Variants in CIC observed in about 807,000 individuals in gnomAD.
CIC encodes the protein protein capicua homolog.
Under a neutral mutation model 115.7 loss-of-function variants are expected in CIC, and 18 were observed. The ratio of observed to expected loss-of-function variants is 0.16; its 90% CI spans 0.11 to 0.23. CIC has a LOEUF of 0.23. Among genes scored for constraint, CIC ranks in the 10% least tolerant of loss-of-function variants. The pLI is 1.00. For synonymous variants in CIC, 1,076 were observed against 923.0 expected (o/e 1.17, Z -3.01); for missense variants, 2,000 against 2,159.3 (o/e 0.93, Z 1.46).
In CIC at chr19:42,295,293, C is replaced by G. The variant is rs1369882391; in HGVS notation, c.*102C>G. ...TCCTCCCGGGTAAAGCCATTTCGTCCTCTCCAGTTTGGGGCGGAATGAGGC... is the reference window on the plus strand; with the variant it reads ...TCCTCCCGGGTAAAGCCATTTCGTCGTCTCCAGTTTGGGGCGGAATGAGGC... On this transcript the variant is annotated 3_prime_UTR_variant, in exon 21 of 21. Transcript: ENST00000681038. 8 of 1,098,478 alleles carry G rather than the reference C, an allele frequency of 7.3e-6. No individual in the cohort carries two copies. The highest frequency in any genetic ancestry group is 3.1e-5 in the African/African-American group (2 of 64,078). 68.0% of individuals were successfully genotyped at this position (1,098,478 alleles called of 1,614,324 possible). A position where few individuals can be genotyped will look rare whatever the true frequency, so the allele number is the denominator to read the frequency against.
Position 42,279,440 on chromosome 19 carries a change from ATCAGGTAGGTTTC to A in CIC, c.2794+4867_2794+4879del, listed in dbSNP as rs548696873. Among the ~76,000 whole-genome samples the A allele has an allele frequency of 3.2e-3, 494 of 152,318 alleles. 2 individuals carry two copies. Among genetic ancestry groups the A allele is most frequent in the South Asian group, 0.015 (74 of 4,826 alleles). ...GGTTCATGGGGGCTGATAAGGGAGG[ATCAGGTAGGTTTC>A]TCACTGGAGGTGACATTTGAGCTGA... is the stretch of plus-strand genomic sequence containing the variant. On this transcript the variant is annotated intron_variant, in intron 2 of 20. Coordinates refer to ENST00000681038, the MANE Select transcript of CIC (RefSeq NM_001386298.1).
At position 42,273,612 on chromosome 19, in the gene CIC, G is replaced by A. The variant is rs2036863074; in HGVS notation, c.1829G>A (p.Arg610His). 1.3e-5 allele frequency: 5 copies of A among 398,458 alleles called. No individual in the cohort carries two copies. Among genetic ancestry groups the A allele is most frequent in the Non-Finnish European group, 2.2e-5 (5 of 226,002 alleles). The allele number at this position is 398,458 out of a possible 1,614,324, so 24.7% of individuals were successfully genotyped here. A position where few individuals can be genotyped will look rare whatever the true frequency, so the allele number is the denominator to read the frequency against. ...ATGCTGGTGTCGCTGGGCAGCTCGC[G>A]CTCAGGCACGCCCTCCTTCTCACCC... is the stretch of plus-strand genomic sequence containing the variant. ...AVMLVSLGSS[R>H]SGTPSFSPVS... Residue 610 changes from arginine to histidine, a missense_variant, in exon 2 of 21, where the codon CGC becomes CAC. Coordinates refer to ENST00000681038, the MANE Select transcript of CIC (RefSeq NM_001386298.1).
rs1201027582 is a variant in CIC at position 42,272,208 on chromosome 19, G to A, written c.425G>A (p.Arg142Gln). 8 of 398,552 alleles carry A rather than the reference G, an allele frequency of 2.0e-5. No homozygotes were observed. The highest frequency in any genetic ancestry group is 3.5e-5 in the Non-Finnish European group (8 of 226,134). The allele number at this position is 398,552 out of a possible 1,614,324, so 24.7% of individuals were successfully genotyped here. ...GVAGAPEERVRTPEEASGLGV... is the reference protein window; with the variant it reads ...GVAGAPEERVQTPEEASGLGV... ...GCTGGGGCCCCTGAAGAGCGGGTGC[G>A]GACCCCTGAGGAGGCCAGTGGCCTG... The change falls in exon 2 of 21, where the codon CGG becomes CAG. Residue 142 changes from arginine to glutamine, a missense_variant. Transcript: ENST00000681038.
At chr19:42,294,493 C>CT in intron 19 of CIC, 111 bp from the exon 20 acceptor site, 1 of 1,576,132 alleles carries the variant, frequency 6.3e-7, no homozygotes, top group Admixed American at 1.7e-5. Context: ...GGACCCCTCT[C>CT]TGACTCCCCT....
In CIC at chr19:42,290,594, T is replaced by G. The variant is rs759244964; in HGVS notation, c.4553T>G (p.Leu1518Arg). The G allele has an allele frequency of 5.6e-6, 9 of 1,613,632 alleles. 1 individual carries two copies. In the East Asian group the frequency reaches 8.9e-5, roughly 16 times the overall value. ...AAGAGACCCGAAAGTGTGGGTGGCC[T>G]GGAGCCACCAGGCCCCTCAGTCATC... Reference protein sequence around the residue: ...RRKRPESVGGLEPPGPSVIAA... With the variant: ...RRKRPESVGGREPPGPSVIAA... Residue 1518 changes from leucine to arginine, a missense_variant, in exon 11 of 21, where the codon CTG (leucine) becomes CGG (arginine). By Grantham distance (102) the Leu-to-Arg change is moderately radical (BLOSUM62 -2). This residue lies in a region of CIC where 1,466 missense variants were observed against 1,390.4 expected (regional missense o/e 1.05). Coordinates refer to ENST00000681038, the MANE Select transcript of CIC (RefSeq NM_001386298.1).
In CIC at chr19:42,292,773, C is replaced by T. The variant is rs2038234260; in HGVS notation, c.6110C>T (p.Pro2037Leu). The T allele has an allele frequency of 1.2e-6, 2 of 1,613,738 alleles. No individual in the cohort carries two copies. The highest frequency in any genetic ancestry group is 8.5e-7 in the Non-Finnish European group (1 of 1,179,948). The change falls in exon 15 of 21, where the codon CCA becomes CTA. Residue 2037 changes from proline (P) to leucine (L), a missense_variant. Physicochemically the swap from Pro to Leu is moderately conservative, Grantham distance 98. This residue lies in a region of CIC where 1,466 missense variants were observed against 1,390.4 expected (regional missense o/e 1.05). Transcript: ENST00000681038. ...LVYTVATSTT[P>L]PAATILPKGP... is the part of the protein sequence containing the mutation. ...TACACTGTGGCCACCAGCACAACCCCACCTGCAGCCACCATTCTGCCCAAG... is the reference window on the plus strand; with the variant it reads ...TACACTGTGGCCACCAGCACAACCCTACCTGCAGCCACCATTCTGCCCAAG...
chr19:42,293,961 A>T lies in CIC; in HGVS notation c.6794A>T (p.Glu2265Val). 1 of 1,613,416 alleles carries T rather than the reference A, an allele frequency of 6.2e-7. No individual in the cohort carries two copies. Among genetic ancestry groups the T allele is most frequent in the Non-Finnish European group, 8.5e-7 (1 of 1,179,990 alleles). Residue 2265 changes from glutamate (E) to valine (V), a missense_variant, in exon 18 of 21, where the codon GAA (glutamate) becomes GTA (valine). Around this residue, in one of 8 missense-constraint regions of CIC, gnomAD observed 99 missense variants for 217.6 expected, o/e 0.45. Transcript: ENST00000681038. ...DNRVLSEVDF[E>V]ERFAELPEFR... The stretch of plus-strand genomic sequence containing the variant: ...AGGGTCCTGTCAGAAGTGGACTTCG[A>T]AGAGCGCTTTGCTGAGTTGCCTGAG...
chr19:42,287,152 G>A lies in CIC; in HGVS notation c.3091G>A (p.Gly1031Ser). The change falls in exon 4 of 21, where the codon GGT becomes AGT. Residue 1031 changes from glycine (G) to serine (S), a missense_variant. This residue lies in a region of CIC where 222 missense variants were observed against 247.7 expected (regional missense o/e 0.90). Transcript: ENST00000681038. This position sits in a 1 kb window ranked among gnomAD's most constrained non-coding sequence, Gnocchi z 8.7. ...TTTGGGGGTGGTGGAATCTGGTAAG[G>A]GTCCGCCTCCCACCACGGAGGAGGA... ...HPLGVVESGK[G>S]PPPTTEEEAS... 3.1e-6 allele frequency: 5 copies of A among 1,613,532 alleles called. No homozygotes were observed. Among genetic ancestry groups the A allele is most frequent in the Non-Finnish European group, 4.2e-6 (5 of 1,179,876 alleles).
rs2037185699 is a variant in CIC, at chr19:42,280,570, C to T, written c.2794+5993C>T. Among the ~76,000 whole-genome samples the T allele has an allele frequency of 6.6e-6, 1 of 152,210 alleles. No individual in the cohort carries two copies. Among genetic ancestry groups the T allele is most frequent in the Non-Finnish European group, 1.5e-5 (1 of 68,002 alleles). ...GCGATTAACCCCTGCGCTGCCGCGT[C>T]CTCGGGCTGGGTGGGGTACCCTCCC... On this transcript the variant is annotated intron_variant, in intron 2 of 20. Transcript: ENST00000681038. This position sits in a 1 kb window ranked among gnomAD's most constrained non-coding sequence, Gnocchi z 4.9.
chr19:42,278,751 C>T (rs1399906643), intron 2 of CIC, among the ~76,000 whole-genome samples: 1 of 152,230 alleles, frequency 6.6e-6, no homozygotes, highest in Non-Finnish European at 1.5e-5. Flanking sequence ...TCTCCTACTT[C>T]CTTCTTGGGG....
intron 2 of CIC, among the ~76,000 whole-genome samples, chr19:42,279,514 G>T (rs10411908): frequency 0.016 from 2,384 of 152,346 alleles, 60 homozygotes; most frequent in African/African-American, 0.053. Flanking sequence ...AATAGTCAAA[G>T]AAAGGAAAAG....
At chr19:42,291,799 ATTTC>A (rs2038136184) in intron 12 of CIC, 54 bp downstream of exon 12, 4 of 1,598,730 alleles carry the variant, frequency 2.5e-6, no homozygotes, top group African/African-American at 2.7e-5. Flanking sequence ...GTACCCCATC[ATTTC>A]TTTGTCTTTT....
intron 2 of CIC, chr19:42,284,794 G>T (rs565197061): frequency 7.4e-5 from 114 of 1,541,778 alleles, no homozygotes; most frequent in Non-Finnish European, 7.5e-5. Context: ...TGGGCCCTGG[G>T]ACTGCAGGGG....
Position 42,290,101 on chromosome 19 carries a change from A to AT in CIC, c.4192-130dup, listed in dbSNP as rs1203934146. 4 of 1,453,752 alleles carry AT rather than the reference A, an allele frequency of 2.8e-6. No homozygotes were observed. In the African/African-American group the frequency reaches 5.6e-5, roughly 20 times the overall value. 90.1% of individuals were successfully genotyped at this position (1,453,752 alleles called of 1,614,324 possible). A position where few individuals can be genotyped will look rare whatever the true frequency, so the allele number is the denominator to read the frequency against. ...GGGAGTTGGGTCATAGTCAGGATGA[A>AT]TTGAGGCCTTCAGCTGGCAGGGGTG... is the stretch of plus-strand genomic sequence containing the variant. On this transcript the variant is annotated intron_variant, in intron 10 of 20. Transcript: ENST00000681038.
rs2037700387 is a variant in CIC at position 42,287,019 on chromosome 19, G to A, written c.2958G>A (p.Ser986=). 3.7e-6 allele frequency: 6 copies of A among 1,610,252 alleles called. No individual in the cohort carries two copies. The highest frequency in any genetic ancestry group is 2.7e-5 in the African/African-American group (2 of 75,012). Residue 986 remains serine (S), a synonymous_variant, in exon 4 of 21, where the codon TCG becomes TCA. Coordinates refer to ENST00000681038, the MANE Select transcript of CIC (RefSeq NM_001386298.1). The surrounding 1 kb of genome is among the most constrained non-coding windows in gnomAD (Gnocchi z 8.7). The part of the protein sequence containing the change: ...ASNQSKEPAE[S]AAVAHERPPG... Reference sequence around the variant, plus strand: ...CTGTGTCCCCAGAACCTGCTGAGTCGGCAGCTGTTGCTCATGAACGGCCAC... The same window carrying A: ...CTGTGTCCCCAGAACCTGCTGAGTCAGCAGCTGTTGCTCATGAACGGCCAC...
rs201517836 is a variant in CIC, at chr19:42,290,289, C to T, written c.4248C>T (p.Arg1416=). The change falls in exon 11 of 21, where the codon CGC becomes CGT. Residue 1416 remains arginine (R), a synonymous_variant. Coordinates refer to ENST00000681038, the MANE Select transcript of CIC (RefSeq NM_001386298.1). Reference sequence around the variant, plus strand: ...TCCGTTCCTCCTTTACCCACTGCCGCCCCCCACTGGACCCTGAGCCCCCAG... The same window carrying T: ...TCCGTTCCTCCTTTACCCACTGCCGTCCCCCACTGGACCCTGAGCCCCCAG... ...PVIRSSFTHC[R]PPLDPEPPGP... The T allele has an allele frequency of 9.9e-6, 16 of 1,614,036 alleles. No homozygotes were observed. The highest frequency in any genetic ancestry group is 8.9e-5 in the East Asian group (4 of 44,862).
At chr19:42,286,091 G>A (rs2037619776) in intron 2 of CIC, among the ~76,000 whole-genome samples, 1 of 152,144 alleles carries the variant, frequency 6.6e-6, no homozygotes, top group Non-Finnish European at 1.5e-5. Context: ...CTGGGAGGCC[G>A]ATTTCTGGAT....
chr19:42,293,801 C>T lies in CIC; in HGVS notation c.6732C>T (p.Pro2244=). The T allele has an allele frequency of 6.2e-7, 1 of 1,612,400 alleles. No homozygotes were observed. The highest frequency in any genetic ancestry group is 8.5e-7 in the Non-Finnish European group (1 of 1,179,438). The part of the protein sequence containing the change: ...AGTGKKVKVR[P]PPLKKTFDSV... ...CTGGCAAGAAGGTGAAGGTGCGGCC[C>T]CCGCCCCTGAAGAAGACCTTTGACT... Residue 2244 remains proline, a synonymous_variant, in exon 17 of 21, where the codon CCC becomes CCT. Coordinates refer to ENST00000681038, the MANE Select transcript of CIC (RefSeq NM_001386298.1).
rs1380924589 is a variant in CIC, at chr19:42,270,192, T to C, written c.-11+811T>C. On this transcript the variant is annotated intron_variant, in intron 1 of 20. Transcript: ENST00000681038. This position sits in a 1 kb window ranked among gnomAD's most constrained non-coding sequence, Gnocchi z 4.1. ...TAGTGGGTCAGCGGGTATTAGGTGG[T>C]GATGGCTGCCCAACTTCTGGGCATT... Among the ~76,000 whole-genome samples, 3 of 152,098 alleles carry C rather than the reference T, an allele frequency of 2.0e-5. No homozygotes were observed. The highest frequency in any genetic ancestry group is 3.9e-4 in the East Asian group (2 of 5,178).
Sources: allele counts gnomAD v4.1 joint callset (sites outside exome capture counted in the v4.1 genomes callset), GRCh38; gene constraint gnomAD v4.1.1; regional missense constraint gnomAD v4.1.1; non-coding constraint Gnocchi (gnomAD v3.1); transcripts MANE v1.5; gene names NCBI Gene and HGNC (gene_info 2026-07-23, HGNC 2026-07-21).